The following PREX1 variants were observed in gnomAD, a reference collection of about 807,000 sequenced individuals.
The protein encoded by PREX1 is phosphatidylinositol 3,4,5-trisphosphate-dependent Rac exchanger 1 protein.
Under a neutral mutation model 198.3 loss-of-function variants are expected in PREX1, and 41 were observed. The observed-to-expected ratio is 0.21, with a 90% CI of 0.16 to 0.27. The LOEUF (loss-of-function observed/expected upper bound fraction) is 0.27, where lower values mean the gene tolerates loss of function less well. Among genes scored for constraint, PREX1 ranks in the 10% least tolerant of loss-of-function variants. The probability of loss-of-function intolerance (pLI) is 1.00; values close to 1 mark genes in which losing one functional copy is unlikely to be tolerated. For missense variants in PREX1, 1,620 were observed against 2,200.7 expected (o/e 0.74, Z 5.28); for synonymous variants, 843 against 887.2 (o/e 0.95, Z 0.89).
chr20:48,837,379 A>G, the PREX1 span, among the ~76,000 whole-genome samples: 1 of 152,244 alleles, frequency 6.6e-6, no homozygotes, highest in Non-Finnish European at 1.5e-5. Context: ...ACGTATGTTC[A>G]TTTCAGCACT....
intron 4 of PREX1, 51 bp downstream of exon 4, chr20:48,734,495 C>A: frequency 6.6e-7 from 1 of 1,510,538 alleles, no homozygotes; most frequent in Non-Finnish European, 9.2e-7. Flanking sequence ...CCAGATTCCA[C>A]AAGGATGAGG....
At chr20:48,773,629 G>C (rs2090247426) in intron 1 of PREX1, among the ~76,000 whole-genome samples, 1 of 152,212 alleles carries the variant, frequency 6.6e-6, no homozygotes, top group Non-Finnish European at 1.5e-5. Context: ...AACTGAGGCA[G>C]GAGTGAGCCC....
At chr20:48,764,231 A>C (rs2090197763) in intron 1 of PREX1, among the ~76,000 whole-genome samples, 1 of 152,190 alleles carries the variant, frequency 6.6e-6, no homozygotes, top group Non-Finnish European at 1.5e-5. Context: ...GAAAGGAGGG[A>C]GAACTTGCAG....
At chr20:48,862,780 T>TAAAAAAA in the PREX1 span, among the ~76,000 whole-genome samples, 75 of 99,166 alleles carry the variant, frequency 7.6e-4, 2 homozygotes, top group African/African-American at 2.6e-3. Flanking sequence ...TAAAAAAGCC[T>TAAAAAAA]AAAAAAAAAA....
At chr20:48,793,248 T>C (rs1457274339) in intron 1 of PREX1, among the ~76,000 whole-genome samples, 2 of 152,124 alleles carry the variant, frequency 1.3e-5, no homozygotes, top group Non-Finnish European at 2.9e-5. Flanking sequence ...AGTAGACTAA[T>C]GGTTCCAGGG....
At position 48,827,786 on chromosome 20, in the gene PREX1, A is replaced by T. The variant is rs999100162; in HGVS notation, c.75T>A (p.Pro25=). The part of the protein sequence containing the change: ...GDCAHPDPRA[P]GAAAPSSGPG... The stretch of plus-strand genomic sequence containing the variant: ...GGCCGGAGCTGGGCGCCGCGGCGCC[A>T]GGGGCCCGGGGGTCCGGGTGGGCGC... The change falls in exon 1 of 40, where the codon CCT becomes CCA. Residue 25 remains proline, a synonymous_variant. Coordinates refer to ENST00000371941, the MANE Select transcript of PREX1 (RefSeq NM_020820.4). This position sits in a 1 kb window ranked among gnomAD's most constrained non-coding sequence, Gnocchi z 4.1. 1.8e-6 allele frequency: 2 copies of T among 1,123,798 alleles called. No individual in the cohort carries two copies. The highest frequency in any genetic ancestry group is 2.2e-6 in the Non-Finnish European group (2 of 912,300). The allele number at this position is 1,123,798 out of a possible 1,614,324, so 69.6% of individuals were successfully genotyped here.
At chr20:48,679,274 AG>A in intron 13 of PREX1, 85 bp downstream of exon 13, 1 of 1,153,920 alleles carries the variant, frequency 8.7e-7, no homozygotes, top group Non-Finnish European at 1.3e-6. Flanking sequence ...AGGAGACTGG[AG>A]CTCAGAGAGG....
At chr20:48,862,530 A>G in the PREX1 span, among the ~76,000 whole-genome samples, 2 of 152,182 alleles carry the variant, frequency 1.3e-5, no homozygotes, top group South Asian at 4.1e-4. Context: ...CCTGTAAAAG[A>G]CTTTAGCTTT....
Position 48,666,913 on chromosome 20 carries a change from C to T in PREX1, c.1666-558G>A, listed in dbSNP as rs1354261831. 3.3e-5 allele frequency among the ~76,000 whole-genome samples: 5 copies of T among 152,258 alleles called. No individual in the cohort carries two copies. Among genetic ancestry groups the T allele is most frequent in the East Asian group, 1.9e-4 (1 of 5,182 alleles). ...GCAAAGAAAAAATGGAGATTTTAAG[C>T]GGCAGACAATGTTGGTTGCCTAGCA... is the stretch of plus-strand genomic sequence containing the variant. On this transcript the variant is annotated intron_variant, in intron 14 of 39. Transcript: ENST00000371941. This position sits in a 1 kb window ranked among gnomAD's most constrained non-coding sequence, Gnocchi z 4.3.
At chr20:48,749,012 C>G (rs541448725) in intron 1 of PREX1, among the ~76,000 whole-genome samples, 10 of 152,222 alleles carry the variant, frequency 6.6e-5, no homozygotes, top group African/African-American at 2.4e-4. Flanking sequence ...GGTGGCCTGG[C>G]ACCAGGTGGT....
At chr20:48,883,642 T>C in the PREX1 span, among the ~76,000 whole-genome samples, 1 of 152,016 alleles carries the variant, frequency 6.6e-6, no homozygotes, top group Non-Finnish European at 1.5e-5. Flanking sequence ...CATTTTACAA[T>C]AGCATCAAAA....
intron 5 of PREX1, among the ~76,000 whole-genome samples, chr20:48,709,254 T>G (rs572822328): frequency 6.6e-6 from 1 of 152,318 alleles, no homozygotes; most frequent in Admixed American, 6.5e-5. Context: ...CTGGCAGAGA[T>G]AATTTTCTTT....
At chr20:48,663,819 A>C (rs2122955098) in intron 15 of PREX1, among the ~76,000 whole-genome samples, 1 of 152,218 alleles carries the variant, frequency 6.6e-6, no homozygotes, top group South Asian at 2.1e-4. Context: ...CCCCTGGACT[A>C]TCATGACCAC....
intron 1 of PREX1, among the ~76,000 whole-genome samples, chr20:48,774,680 G>A (rs1318505887): frequency 6.6e-6 from 1 of 152,278 alleles, no homozygotes; most frequent in Non-Finnish European, 1.5e-5. Context: ...TCCAGCCTCA[G>A]TGAGAAGCTG....
intron 7 of PREX1, among the ~76,000 whole-genome samples, chr20:48,698,642 G>C (rs1357463208): frequency 6.6e-6 from 1 of 152,206 alleles, no homozygotes; most frequent in Non-Finnish European, 1.5e-5. Context: ...CCAGCCACTG[G>C]GAGATAGCGG....
chr20:48,846,953 T>A, the PREX1 span, among the ~76,000 whole-genome samples: 1 of 152,194 alleles, frequency 6.6e-6, no homozygotes, highest in South Asian at 2.1e-4. Flanking sequence ...AGGCAGGAGT[T>A]TCTACAAAGC....
the PREX1 span, among the ~76,000 whole-genome samples, chr20:48,835,588 G>C: frequency 6.6e-6 from 1 of 152,178 alleles, no homozygotes; most frequent in South Asian, 2.1e-4. Context: ...CCTGTGTTCC[G>C]GGCAGCAGGA....
chr20:48,627,432 TGA>T, intron 39 of PREX1, 114 bp downstream of exon 39: 3 of 1,182,546 alleles, frequency 2.5e-6, no homozygotes, highest in Non-Finnish European at 3.7e-6. Flanking sequence ...TCCCCATAAA[TGA>T]GAGGGGAAGC....
At chr20:48,762,592 C>T (rs145645063) in intron 1 of PREX1, among the ~76,000 whole-genome samples, 34 of 152,152 alleles carry the variant, frequency 2.2e-4, no homozygotes, top group South Asian at 1.5e-3. Flanking sequence ...AATCCTGGTT[C>T]GGTCATTTGC....
Sources: gnomAD v4.1 joint callset for allele counts (sites outside exome capture counted in the v4.1 genomes callset) on GRCh38, gnomAD v4.1.1 for gene constraint, Gnocchi (gnomAD v3.1) non-coding constraint, MANE v1.5 for transcripts, NCBI Gene and HGNC (gene_info 2026-07-23, HGNC 2026-07-21) for gene names.